ATPAF2: variants seen among roughly 807,000 people sequenced by gnomAD.
The protein encoded by ATPAF2 is ATP synthase mitochondrial F1 complex assembly factor 2, also known as ATP12 homolog.
A neutral mutation model predicts 36.6 loss-of-function variants in ATPAF2; 30 were observed. The observed-to-expected ratio is 0.82, with a 90% CI of 0.61 to 1.11. The LOEUF (loss-of-function observed/expected upper bound fraction) is 1.11. Among genes scored for constraint, ATPAF2 ranks in the 50% most tolerant of loss-of-function variants. The pLI, the probability that ATPAF2 is intolerant of heterozygous loss-of-function variation, is 0.00. For synonymous variants in ATPAF2, 140 were observed against 152.6 expected (o/e 0.92, Z 0.61); for missense variants, 321 against 372.3 (o/e 0.86, Z 1.13).
downstream of ATPAF2, among the ~76,000 whole-genome samples, chr17:18,017,465 CCA>C (rs1235593641): frequency 1.3e-5 from 2 of 152,246 alleles, no homozygotes; most frequent in African/African-American, 4.8e-5. Context: ...GCAGCTCCCA[CCA>C]CAGTGCTGGG....
chr17:18,028,130 A>G, intron 3 of ATPAF2, 102 bp downstream of exon 3: 2 of 1,445,694 alleles, frequency 1.4e-6, no homozygotes, highest in Non-Finnish European at 1.9e-6. Flanking sequence ...CCAGACAGGC[A>G]AAGGACCAGC....
chr17:18,034,181 T>C (rs150942227), intron 1 of ATPAF2, among the ~76,000 whole-genome samples: 5 of 151,974 alleles, frequency 3.3e-5, no homozygotes, highest in Admixed American at 6.6e-5. Context: ...GGTGGGAAGA[T>C]TGCTTGAGTC....
At position 18,025,265 on chromosome 17, in the gene ATPAF2, T is replaced by G. The variant is rs959238634; in HGVS notation, c.423-561A>C. ...AGTCCACCCACCTCCTGGCTACAGA[T>G]GCAGCTGCTGGCACAGATGCCAGAC... On this transcript the variant is annotated intron_variant, in intron 4 of 7. Transcript: ENST00000474627. 2.6e-5 allele frequency: 5 copies of G among 191,958 alleles called. No individual in the cohort carries two copies. The Admixed American group carries it at 2.7e-4, about 10-fold the overall frequency. 11.9% of individuals were successfully genotyped at this position (191,958 alleles called of 1,614,324 possible).
At chr17:18,016,873 TAA>T (rs5819640), downstream of ATPAF2, 109,722 of 300,072 alleles carry the variant, frequency 0.37, 14,885 homozygotes, top group East Asian at 0.61. Flanking sequence ...CCCCTACTCA[TAA>T]AAAAAAAAAA....
chr17:18,025,182 C>A, intron 4 of ATPAF2: 1 of 277,080 alleles, frequency 3.6e-6, no homozygotes, highest in East Asian at 9.6e-5. Flanking sequence ...TCTACCCTCA[C>A]CCCCTCCAAG....
downstream of ATPAF2, chr17:18,016,072 C>T: frequency 4.3e-6 from 7 of 1,613,410 alleles, no homozygotes; most frequent in Non-Finnish European, 5.1e-6. Flanking sequence ...AGCTTTTTGT[C>T]GATAAAGATA....
intron 3 of ATPAF2, chr17:18,026,798 G>A (rs1740777663): frequency 6.2e-6 from 2 of 321,252 alleles, no homozygotes; most frequent in African/African-American, 4.2e-5. Flanking sequence ...GACAGGTTAA[G>A]TACATTGTCA....
chr17:18,035,871 T>C (rs534309014), intron 1 of ATPAF2, among the ~76,000 whole-genome samples: 1 of 152,338 alleles, frequency 6.6e-6, no homozygotes, highest in Admixed American at 6.5e-5. Flanking sequence ...AAGCTAAACA[T>C]CTTGTCTTGG....
At chr17:18,032,041 T>C (rs969969179) in intron 1 of ATPAF2, among the ~76,000 whole-genome samples, 10 of 152,188 alleles carry the variant, frequency 6.6e-5, no homozygotes, top group Non-Finnish European at 1.3e-4. Context: ...TCCTTTGTGT[T>C]TTCCAATGCA....
At chr17:18,019,190 AC>A (rs2044432623) in intron 7 of ATPAF2, among the ~76,000 whole-genome samples, 2 of 50,938 alleles carry the variant, frequency 3.9e-5, no homozygotes, top group Non-Finnish European at 9.0e-5. Context: ...CACACACCCC[AC>A]CACCCCACCC....
At chr17:18,018,779 G>A (rs1309019524) in intron 7 of ATPAF2, 93 bp from the exon 8 acceptor site, 69 of 1,587,362 alleles carry the variant, frequency 4.3e-5, no homozygotes, top group Non-Finnish European at 5.8e-5. Flanking sequence ...GGTTGGCTGA[G>A]GGCAACAGGT....
chr17:18,020,352 G>A lies in ATPAF2; in HGVS notation c.732+771C>T, dbSNP rs753712783. Among the ~76,000 whole-genome samples the A allele has an allele frequency of 5.1e-4, 78 of 152,360 alleles. 1 individual carries two copies. The highest frequency in any genetic ancestry group is 2.4e-3 in the Admixed American group (36 of 15,304). The stretch of plus-strand genomic sequence containing the variant: ...AATGTCAGGGTATGAAGGCTCAGCT[G>A]ATGAAGGAGCACAAACGGGTTCTCA... On this transcript the variant is annotated intron_variant, in intron 7 of 7. Coordinates refer to ENST00000474627, the MANE Select transcript of ATPAF2 (RefSeq NM_145691.4).
At chr17:18,032,715 C>T (rs567880515) in intron 1 of ATPAF2, among the ~76,000 whole-genome samples, 1 of 152,142 alleles carries the variant, frequency 6.6e-6, no homozygotes, top group Non-Finnish European at 1.5e-5. Context: ...GGAATACAGA[C>T]ACTAAACCAG....
chr17:18,028,904 C>T (rs1026003980), intron 1 of ATPAF2, among the ~76,000 whole-genome samples: 6 of 152,124 alleles, frequency 3.9e-5, no homozygotes, highest in African/African-American at 7.2e-5. Context: ...CTCTGCCAGC[C>T]CCGCAGCCTG....
At chr17:18,015,776 G>A (rs1408842823), downstream of ATPAF2, 46 of 328,038 alleles carry the variant, frequency 1.4e-4, 1 homozygote, top group Admixed American at 1.8e-3. Flanking sequence ...TGCCCCCTGG[G>A]CAGCCATCTG....
chr17:18,021,579 C>T, intron 6 of ATPAF2, 166 bp downstream of exon 6: 5 of 717,312 alleles, frequency 7.0e-6, no homozygotes, highest in East Asian at 2.6e-5. Context: ...GAGCCTAGAG[C>T]GTAGAGTGAT....
chr17:18,031,735 G>A (rs1313560588), intron 1 of ATPAF2, among the ~76,000 whole-genome samples: 2 of 152,044 alleles, frequency 1.3e-5, no homozygotes, highest in East Asian at 1.9e-4. Flanking sequence ...AGCTGAGATC[G>A]CACCACTGCA....
intron 6 of ATPAF2, 186 bp from the exon 7 acceptor site, chr17:18,021,424 A>G (rs760898772): frequency 1.6e-5 from 11 of 668,160 alleles, no homozygotes; most frequent in Non-Finnish European, 3.0e-5. Context: ...GCTCTTACCT[A>G]GTGAGACACA....
chr17:18,021,707 C>T (rs1188843511), intron 6 of ATPAF2, 38 bp downstream of exon 6: 5 of 1,579,278 alleles, frequency 3.2e-6, no homozygotes, highest in East Asian at 4.5e-5. Flanking sequence ...ATGGCCTTCA[C>T]AGCCACCTGC....
Sources: allele counts gnomAD v4.1 joint callset (sites outside exome capture counted in the v4.1 genomes callset), GRCh38; gene constraint gnomAD v4.1.1; transcripts MANE v1.5; gene names NCBI Gene and HGNC (gene_info 2026-07-23, HGNC 2026-07-21).